CCL28: variants seen among roughly 807,000 people sequenced by gnomAD.
The protein encoded by CCL28 is C-C motif chemokine ligand 28.
CCL28 carries 4 observed loss-of-function variants against 7.1 expected under a neutral mutation model. That is an observed-to-expected ratio of 0.56 (90% CI 0.28 to 1.29). The LOEUF is 1.29. Ranked by LOEUF, CCL28 falls within the 50% of genes most tolerant of loss-of-function variation. CCL28 has a pLI of 0.11. For missense variants in CCL28, 151 were observed against 163.4 expected (o/e 0.92, Z 0.41); for synonymous variants, 55 against 57.8 (o/e 0.95, Z 0.22).
At chr5:43,373,832 C>T (rs76355285), downstream of CCL28, among the ~76,000 whole-genome samples, 922 of 152,322 alleles carry the variant, frequency 6.1e-3, 1 homozygote, top group Non-Finnish European at 9.2e-3. Context: ...TTCTCCTGTC[C>T]TACCTACTGT....
chr5:43,404,482 C>G (rs1307935608), intron 1 of CCL28, among the ~76,000 whole-genome samples: 1 of 152,170 alleles, frequency 6.6e-6, no homozygotes, highest in Admixed American at 6.5e-5. Flanking sequence ...ACCACCAGGC[C>G]TGTCTTACAA....
chr5:43,385,639 G>T (rs879048360), intron 2 of CCL28, among the ~76,000 whole-genome samples: 1 of 151,964 alleles, frequency 6.6e-6, no homozygotes, highest in African/African-American at 2.4e-5. Flanking sequence ...GTAATTTATG[G>T]TTAAAAAAAT....
chr5:43,387,773 A>G lies in CCL28; in HGVS notation c.191+577T>C, dbSNP rs544130620. On this transcript the variant is annotated intron_variant, in intron 2 of 2. Transcript: ENST00000361115. ...CCCAAGTAGCTGGGACTACAGGTGC[A>G]TGCCACCATGCCTGGCTAGTTTTAA... Among the ~76,000 whole-genome samples the G allele has an allele frequency of 3.3e-5, 5 of 152,216 alleles. No individual in the cohort carries two copies. In the South Asian group the frequency reaches 1.0e-3, roughly 32 times the overall value.
Position 43,381,946 on chromosome 5 carries a change from G to A in CCL28, c.298C>T (p.His100Tyr), listed in dbSNP as rs934084994. 2 of 1,614,052 alleles carry A rather than the reference G, an allele frequency of 1.2e-6. No individual in the cohort carries two copies. The highest frequency in any genetic ancestry group is 1.7e-6 in the Non-Finnish European group (2 of 1,179,990). ...CTCTTGCCATGGTGTTTCTTCCTGT[G>A]GCAAACATTTCCTTTACCATTTTTC... ...AKKNGKGNVC[H>Y]RKKHHGKRNS... Residue 100 changes from histidine (H) to tyrosine (Y), a missense_variant, in exon 3 of 3, where the codon CAC becomes TAC. Physicochemically the swap from His to Tyr is moderately conservative, Grantham distance 83 (BLOSUM62 2). Transcript: ENST00000361115.
At position 43,412,246 on chromosome 5, in the gene CCL28, C is replaced by CA. The variant is rs1561171767; in HGVS notation, c.64+6dup. ...TGAAGGCCTAAGTGTCCAGTGCCCC[C>CA]ACTCACCTTCTGAGGCATGTAGGGC... On this transcript the variant is annotated splice_region_variant and intron_variant, in intron 1 of 2. Coordinates refer to ENST00000361115, the MANE Select transcript of CCL28 (RefSeq NM_148672.3). The CA allele has an allele frequency of 1.2e-6, 2 of 1,609,926 alleles. No individual in the cohort carries two copies. Among genetic ancestry groups the CA allele is most frequent in the Admixed American group, 3.3e-5 (2 of 59,808 alleles).
intron 1 of CCL28, among the ~76,000 whole-genome samples, chr5:43,393,689 AGACATAGT>A (rs1178889142): frequency 6.6e-6 from 1 of 150,612 alleles, no homozygotes; most frequent in East Asian, 1.9e-4. Flanking sequence ...GGTTCTTTAA[AGACATAGT>A]GTATCTTAAT....
intron 1 of CCL28, among the ~76,000 whole-genome samples, chr5:43,392,543 T>A (rs1740618497): frequency 6.6e-6 from 1 of 152,232 alleles, no homozygotes; most frequent in African/African-American, 2.4e-5. Flanking sequence ...GATATATGCA[T>A]CTTTAACTAT....
intron 2 of CCL28, among the ~76,000 whole-genome samples, chr5:43,387,104 C>T (rs1279536129): frequency 6.6e-6 from 1 of 152,236 alleles, no homozygotes; most frequent in Non-Finnish European, 1.5e-5. Context: ...CCTGGAGCCA[C>T]AAATGGTGTT....
At chr5:43,374,798 AAAT>A (rs1739852417), downstream of CCL28, among the ~76,000 whole-genome samples, 1 of 151,484 alleles carries the variant, frequency 6.6e-6, no homozygotes, top group Admixed American at 6.6e-5. Flanking sequence ...AAAAAAAAAA[AAAT>A]TCAGATCTCA....
chr5:43,375,012 T>C (rs147490407), downstream of CCL28, among the ~76,000 whole-genome samples: 4 of 152,082 alleles, frequency 2.6e-5, no homozygotes, highest in Admixed American at 6.5e-5. Context: ...TTTTTTGAGA[T>C]GGACTTTCAC....
intron 1 of CCL28, among the ~76,000 whole-genome samples, chr5:43,394,517 A>G (rs1348393601): frequency 6.6e-6 from 1 of 152,198 alleles, no homozygotes; most frequent in Non-Finnish European, 1.5e-5. Flanking sequence ...AATGTCGTAT[A>G]TCTTAGATCT....
chr5:43,372,463 G>C (rs1209509915), downstream of CCL28, among the ~76,000 whole-genome samples: 1 of 152,108 alleles, frequency 6.6e-6, no homozygotes, highest in Non-Finnish European at 1.5e-5. Context: ...CCGCCTCCCA[G>C]GTTCAAGGGA....
At chr5:43,361,896 G>T in the CCL28 span, among the ~76,000 whole-genome samples, 3 of 149,118 alleles carry the variant, frequency 2.0e-5, no homozygotes, top group Non-Finnish European at 4.4e-5. Flanking sequence ...TTCAGTTATT[G>T]TAGCCGTGTA....
chr5:43,376,563 A>C (rs1739891259), downstream of CCL28: 1 of 152,258 alleles, frequency 6.6e-6, no homozygotes, highest in Non-Finnish European at 1.5e-5. Flanking sequence ...GATGTGACAT[A>C]ACATAGGAGG....
At chr5:43,401,785 T>C (rs1474548246) in intron 1 of CCL28, among the ~76,000 whole-genome samples, 1 of 152,240 alleles carries the variant, frequency 6.6e-6, no homozygotes, top group Non-Finnish European at 1.5e-5. Flanking sequence ...TCCCTCAGTT[T>C]CAAACTCACC....
At chr5:43,396,100 G>A (rs978428922) in intron 1 of CCL28, among the ~76,000 whole-genome samples, 2 of 151,996 alleles carry the variant, frequency 1.3e-5, no homozygotes, top group African/African-American at 4.8e-5. Context: ...TCGATCTCCT[G>A]ACCTCGTGAT....
intron 1 of CCL28, among the ~76,000 whole-genome samples, chr5:43,409,232 C>G (rs1214600953): frequency 2.0e-5 from 3 of 152,098 alleles, no homozygotes; most frequent in African/African-American, 7.2e-5. Context: ...TTGAGACCAG[C>G]CTGGCCAACA....
intron 2 of CCL28, among the ~76,000 whole-genome samples, chr5:43,382,379 A>G (rs1740152204): frequency 6.6e-6 from 1 of 152,222 alleles, no homozygotes; most frequent in African/African-American, 2.4e-5. Flanking sequence ...AAGGAGGAAA[A>G]GAGACAATAA....
At chr5:43,404,275 A>T (rs1352807916) in intron 1 of CCL28, among the ~76,000 whole-genome samples, 1 of 152,252 alleles carries the variant, frequency 6.6e-6, no homozygotes, top group African/African-American at 2.4e-5. Flanking sequence ...CGGGTTACCC[A>T]CAAAGGGAAG....
Sources: allele counts gnomAD v4.1 joint callset (sites outside exome capture counted in the v4.1 genomes callset), GRCh38; gene constraint gnomAD v4.1.1; transcripts MANE v1.5; gene names NCBI Gene and HGNC (gene_info 2026-07-23, HGNC 2026-07-21).